EPHB1: variants seen among roughly 807,000 people sequenced by gnomAD.
EPHB1 encodes ephrin type-B receptor 1.
EPHB1 carries 30 observed loss-of-function variants against 94.4 expected under a neutral mutation model. That is an observed-to-expected ratio of 0.32 (90% CI 0.24 to 0.43). EPHB1 has a LOEUF of 0.43. Among genes scored for constraint, EPHB1 ranks in the 20% least tolerant of loss-of-function variants. EPHB1 has a pLI of 1.00. For synonymous variants in EPHB1, 522 were observed against 489.1 expected (o/e 1.07, Z -0.89); for missense variants, 1,055 against 1,308.3 (o/e 0.81, Z 2.99).
chr3:134,982,627 A>G (rs952795433), intron 3 of EPHB1, among the ~76,000 whole-genome samples: 1 of 152,296 alleles, frequency 6.6e-6, no homozygotes, highest in East Asian at 1.9e-4. Flanking sequence ...AACTACAATT[A>G]AACACACAGA....
chr3:135,163,725 G>A (rs777362406), intron 7 of EPHB1, among the ~76,000 whole-genome samples: 1 of 152,216 alleles, frequency 6.6e-6, no homozygotes, highest in Non-Finnish European at 1.5e-5. Context: ...CTCCCAAGAA[G>A]GCTGTTTCTT....
intron 3 of EPHB1, among the ~76,000 whole-genome samples, chr3:135,076,041 C>T (rs1236351819): frequency 6.6e-6 from 1 of 152,018 alleles, no homozygotes; most frequent in African/African-American, 2.4e-5. Flanking sequence ...GATTACCTCA[C>T]ACCATATACA....
intron 1 of EPHB1, among the ~76,000 whole-genome samples, chr3:134,847,706 G>C (rs534252463): frequency 6.6e-6 from 1 of 152,314 alleles, no homozygotes; most frequent in Non-Finnish European, 1.5e-5. Context: ...AGTCACCCGA[G>C]GGAGCTATTT....
At chr3:134,815,614 C>T (rs897124151) in intron 1 of EPHB1, among the ~76,000 whole-genome samples, 2 of 152,084 alleles carry the variant, frequency 1.3e-5, no homozygotes, top group African/African-American at 2.4e-5. Flanking sequence ...GAAAACAGTG[C>T]GCCTTGTTTC....
At chr3:135,112,674 A>C (rs1049865120) in intron 4 of EPHB1, among the ~76,000 whole-genome samples, 12 of 151,344 alleles carry the variant, frequency 7.9e-5, no homozygotes, top group Admixed American at 7.9e-4. Context: ...TTTGCTGAGA[A>C]TGATGGTTTC....
chr3:135,159,389 A>G (rs1017293122), intron 6 of EPHB1, among the ~76,000 whole-genome samples: 1 of 152,246 alleles, frequency 6.6e-6, no homozygotes, highest in Non-Finnish European at 1.5e-5. Flanking sequence ...GTTTTTCAAT[A>G]ACAGCTATCC....
At chr3:135,013,467 A>G (rs1376967614) in intron 3 of EPHB1, among the ~76,000 whole-genome samples, 1 of 152,260 alleles carries the variant, frequency 6.6e-6, no homozygotes, top group Non-Finnish European at 1.5e-5. Flanking sequence ...AGGAATCCGT[A>G]TGTCGGAAGA....
chr3:134,882,327 C>T (rs995159334), intron 1 of EPHB1, among the ~76,000 whole-genome samples: 6 of 152,282 alleles, frequency 3.9e-5, no homozygotes, highest in African/African-American at 9.6e-5. Flanking sequence ...ATAACATCTT[C>T]GTTAACCAGT....
At chr3:134,892,803 C>G (rs1171072243) in intron 1 of EPHB1, among the ~76,000 whole-genome samples, 1 of 151,984 alleles carries the variant, frequency 6.6e-6, no homozygotes, top group African/African-American at 2.4e-5. Flanking sequence ...GCCCTCCCCT[C>G]CCTCCCTCTA....
chr3:135,039,598 G>T (rs1455517256), intron 3 of EPHB1, among the ~76,000 whole-genome samples: 2 of 152,238 alleles, frequency 1.3e-5, no homozygotes, highest in Non-Finnish European at 1.5e-5. Flanking sequence ...AAGGCCCGGC[G>T]AGAAATCGAG....
chr3:135,230,761 T>C (rs1174289839), intron 12 of EPHB1, among the ~76,000 whole-genome samples: 1 of 152,146 alleles, frequency 6.6e-6, no homozygotes, highest in African/African-American at 2.4e-5. Flanking sequence ...GTTGTTCCCA[T>C]ATTTATGTCT....
At chr3:134,880,761 G>A (rs1472995510) in intron 1 of EPHB1, among the ~76,000 whole-genome samples, 1 of 152,240 alleles carries the variant, frequency 6.6e-6, no homozygotes, top group African/African-American at 2.4e-5. Context: ...AAGCTGTGAG[G>A]CTGAGGGCCT....
chr3:135,084,313 G>A (rs1938265435), intron 3 of EPHB1, among the ~76,000 whole-genome samples: 1 of 152,074 alleles, frequency 6.6e-6, no homozygotes, highest in African/African-American at 2.4e-5. Flanking sequence ...TGCTGGGTGA[G>A]CACATCCTTT....
chr3:135,173,091 G>C (rs1941855180), intron 9 of EPHB1, among the ~76,000 whole-genome samples: 1 of 148,418 alleles, frequency 6.7e-6, no homozygotes, highest in Admixed American at 6.7e-5. Flanking sequence ...CTGGAGTGCA[G>C]TGGCGGGATC....
At chr3:135,204,766 G>C (rs1256595488) in intron 12 of EPHB1, among the ~76,000 whole-genome samples, 1 of 151,508 alleles carries the variant, frequency 6.6e-6, no homozygotes, top group Non-Finnish European at 1.5e-5. Flanking sequence ...GCCTCCCAAA[G>C]TGTTGGGATT....
intron 4 of EPHB1, among the ~76,000 whole-genome samples, chr3:135,125,635 TA>T (rs1166528355): frequency 6.6e-6 from 1 of 152,230 alleles, no homozygotes; most frequent in East Asian, 1.9e-4. Flanking sequence ...TGTTTTCAAA[TA>T]ACCATTTATC....
chr3:135,024,055 A>G (rs1292464917), intron 3 of EPHB1, among the ~76,000 whole-genome samples: 1 of 152,222 alleles, frequency 6.6e-6, no homozygotes, highest in African/African-American at 2.4e-5. Flanking sequence ...CTTTAAATAC[A>G]TGTAATCAGC....
chr3:135,063,947 A>G (rs1937548519), intron 3 of EPHB1, among the ~76,000 whole-genome samples: 1 of 152,112 alleles, frequency 6.6e-6, no homozygotes, highest in African/African-American at 2.4e-5. Flanking sequence ...ATCTATTGAG[A>G]TGATTATGTG....
intron 5 of EPHB1, among the ~76,000 whole-genome samples, chr3:135,135,239 G>T (rs548585483): frequency 6.6e-6 from 1 of 152,180 alleles, no homozygotes; most frequent in East Asian, 1.9e-4. Flanking sequence ...ATTTCTTCTT[G>T]GTAGCACATG....
Sources: allele counts gnomAD v4.1 joint callset (sites outside exome capture counted in the v4.1 genomes callset), GRCh38; gene constraint gnomAD v4.1.1; transcripts MANE v1.5; gene names NCBI Gene and HGNC (gene_info 2026-07-23, HGNC 2026-07-21).